Variants in PDE4B observed in about 807,000 individuals in gnomAD.
The protein encoded by PDE4B is 3',5'-cyclic-AMP phosphodiesterase 4B.
PDE4B carries 20 observed loss-of-function variants against 82.2 expected under a neutral mutation model. The ratio of observed to expected loss-of-function variants is 0.24; its 90% CI spans 0.17 to 0.35. The LOEUF (loss-of-function observed/expected upper bound fraction) is 0.35. Among genes scored for constraint, PDE4B ranks in the 10% least tolerant of loss-of-function variants. The pLI is 1.00. For synonymous variants in PDE4B, 320 were observed against 318.9 expected, an observed-to-expected ratio of 1.00 and a Z score of -0.04; for missense variants, 655 against 907.2, an observed-to-expected ratio of 0.72 and a Z score of 3.57.
rs1428217361 is a variant in PDE4B, at chr1:66,007,447, AC to A, written c.281+88613del. 3.3e-5 allele frequency among the ~76,000 whole-genome samples: 5 copies of A among 151,976 alleles called. No homozygotes were observed. In the East Asian group the frequency reaches 9.7e-4, roughly 29 times the overall value. On this transcript the variant is annotated intron_variant, in intron 3 of 16. Transcript: ENST00000341517. The stretch of plus-strand genomic sequence containing the variant: ...TGACAGAACAAGAAAAACGAACAAA[AC>A]AACCCCCCCCAACCAAAACCAAACA...
chr1:66,216,814 A>G (rs1298051398), intron 3 of PDE4B, among the ~76,000 whole-genome samples: 1 of 152,134 alleles, frequency 6.6e-6, no homozygotes, highest in East Asian at 1.9e-4. Context: ...AAAAGAAAGC[A>G]GTCTTAATAG....
At chr1:65,808,397 T>G (rs1050756512) in intron 1 of PDE4B, among the ~76,000 whole-genome samples, 1 of 152,144 alleles carries the variant, frequency 6.6e-6, no homozygotes, top group African/African-American at 2.4e-5. Context: ...CTTGAACTTC[T>G]GGTCTCAAGC....
intron 3 of PDE4B, among the ~76,000 whole-genome samples, chr1:66,207,287 TC>T (rs2101562251): frequency 6.6e-6 from 1 of 152,316 alleles, no homozygotes; most frequent in Non-Finnish European, 1.5e-5. Flanking sequence ...GTTATAATAT[TC>T]ATTAATTAAA....
At chr1:65,950,047 G>A (rs1648914851) in intron 3 of PDE4B, among the ~76,000 whole-genome samples, 1 of 152,000 alleles carries the variant, frequency 6.6e-6, no homozygotes. Flanking sequence ...GTGCAGAAGT[G>A]GAAGTTTTAT....
At chr1:66,301,268 C>T (rs985147333) in intron 7 of PDE4B, among the ~76,000 whole-genome samples, 1 of 152,128 alleles carries the variant, frequency 6.6e-6, no homozygotes, top group African/African-American at 2.4e-5. Flanking sequence ...TGGAGCTTCT[C>T]ATTTGATCAG....
chr1:65,841,667 C>G (rs1368576932), intron 1 of PDE4B, among the ~76,000 whole-genome samples: 1 of 152,074 alleles, frequency 6.6e-6, no homozygotes, highest in African/African-American at 2.4e-5. Context: ...TGGAGAGGAT[C>G]CAAACTTCAA....
chr1:65,932,225 C>T (rs1647875879), intron 3 of PDE4B, among the ~76,000 whole-genome samples: 1 of 151,552 alleles, frequency 6.6e-6, no homozygotes, highest in African/African-American at 2.4e-5. Context: ...CACCCACAAG[C>T]TCAGTGTAGG....
intron 3 of PDE4B, among the ~76,000 whole-genome samples, chr1:65,989,222 TG>T (rs1184262376): frequency 6.6e-6 from 1 of 152,164 alleles, no homozygotes; most frequent in Non-Finnish European, 1.5e-5. Context: ...TGAGACAGGC[TG>T]GGCACGGTGG....
intron 1 of PDE4B, among the ~76,000 whole-genome samples, chr1:65,894,302 A>T (rs1339394782): frequency 6.6e-6 from 1 of 152,184 alleles, no homozygotes; most frequent in Non-Finnish European, 1.5e-5. Context: ...AAGAGGAAAA[A>T]GGTAGTATTT....
chr1:66,334,363 C>T (rs1211872979), intron 8 of PDE4B, among the ~76,000 whole-genome samples: 3 of 152,156 alleles, frequency 2.0e-5, no homozygotes, highest in Non-Finnish European at 4.4e-5. Flanking sequence ...CCCATTCATG[C>T]CTAGAGTGCT....
At chr1:66,167,780 T>C (rs778432880) in intron 3 of PDE4B, among the ~76,000 whole-genome samples, 2 of 152,220 alleles carry the variant, frequency 1.3e-5, no homozygotes, top group Non-Finnish European at 2.9e-5. Context: ...AATCATGTGG[T>C]GAATTAGCCA....
intron 3 of PDE4B, among the ~76,000 whole-genome samples, chr1:66,145,690 G>A (rs1475434731): frequency 6.6e-6 from 1 of 152,138 alleles, no homozygotes; most frequent in African/African-American, 2.4e-5. Flanking sequence ...CAGATGATGG[G>A]AAGTGATTTC....
At chr1:66,007,439 CG>C (rs774692332) in intron 3 of PDE4B, among the ~76,000 whole-genome samples, 11 of 151,826 alleles carry the variant, frequency 7.2e-5, no homozygotes, top group Non-Finnish European at 1.3e-4. Flanking sequence ...ACAAGAAAAA[CG>C]AACAAAACAA....
At chr1:66,229,289 G>T (rs965188096) in intron 3 of PDE4B, among the ~76,000 whole-genome samples, 1 of 152,040 alleles carries the variant, frequency 6.6e-6, no homozygotes, top group Non-Finnish European at 1.5e-5. Flanking sequence ...GATTACAGGC[G>T]TGAGCCACCA....
chr1:66,248,053 A>G (rs1469982106), intron 4 of PDE4B, among the ~76,000 whole-genome samples: 2 of 152,200 alleles, frequency 1.3e-5, no homozygotes, highest in Non-Finnish European at 2.9e-5. Flanking sequence ...GTGATTGGTT[A>G]TATGCATGCT....
intron 3 of PDE4B, among the ~76,000 whole-genome samples, chr1:66,119,506 G>GTC (rs55820802): frequency 1 from 151,870 of 152,298 alleles, 75,723 homozygotes; most frequent in Middle Eastern, 1. Flanking sequence ...AAATAATATT[G>GTC]TCTAGCATTC....
chr1:66,005,281 G>T (rs1652086812), intron 3 of PDE4B, among the ~76,000 whole-genome samples: 1 of 70,114 alleles, frequency 1.4e-5, no homozygotes, highest in African/African-American at 5.1e-5. Context: ...CTACCCCACG[G>T]GTCTTTATAT....
At chr1:66,106,652 C>T (rs1424865596) in intron 3 of PDE4B, among the ~76,000 whole-genome samples, 1 of 151,994 alleles carries the variant, frequency 6.6e-6, no homozygotes, top group Non-Finnish European at 1.5e-5. Context: ...CAACTTCTTC[C>T]TGGTTTGGTC....
intron 3 of PDE4B, among the ~76,000 whole-genome samples, chr1:66,020,415 AT>A (rs1361948066): frequency 6.6e-6 from 1 of 152,030 alleles, no homozygotes; most frequent in Non-Finnish European, 1.5e-5. Flanking sequence ...GCTGCACCCG[AT>A]AACTCGTCAT....
Sources: gnomAD v4.1 joint callset for allele counts (sites outside exome capture counted in the v4.1 genomes callset) on GRCh38, gnomAD v4.1.1 for gene constraint, MANE v1.5 for transcripts, NCBI Gene and HGNC (gene_info 2026-07-23, HGNC 2026-07-21) for gene names.